The following OLFML1 variants were observed in gnomAD, a reference collection of about 807,000 sequenced individuals.
The protein encoded by OLFML1 is olfactomedin-like protein 1.
Under a neutral mutation model 37.3 loss-of-function variants are expected in OLFML1, and 33 were observed. The ratio of observed to expected loss-of-function variants is 0.88; its 90% confidence interval spans 0.67 to 1.18. The LOEUF is 1.18. Among genes scored for constraint, OLFML1 ranks in the 50% most tolerant of loss-of-function variants. The pLI, the probability that OLFML1 is intolerant of heterozygous loss-of-function variation, is 0.00. For synonymous variants in OLFML1, 186 were observed against 181.3 expected (o/e 1.03, Z -0.21); for missense variants, 545 against 483.7 (o/e 1.13, Z -1.19).
chr11:7,507,312 CT>C (rs1848796833), intron 2 of OLFML1, among the ~76,000 whole-genome samples: 4 of 108,238 alleles, frequency 3.7e-5, no homozygotes, highest in African/African-American at 1.4e-4. Flanking sequence ...TGATTTTGGT[CT>C]CACTCTAAGT....
At position 7,511,260 on chromosome 11, in the gene OLFML1, T is replaced by A. The variant is rs1440283533; in HGVS notation, c.*1072T>A. On this transcript the variant is annotated 3_prime_UTR_variant, in exon 3 of 3. Transcript: ENST00000329293. ...AGTCTAAGGGTGAGGACCCCAACTC[T>A]AGCCTCCTCTTGTCTTGCTGTCCTC... 6 of 152,226 alleles carry A rather than the reference T, an allele frequency of 3.9e-5. No homozygotes were observed. The highest frequency in any genetic ancestry group is 7.3e-5 in the Non-Finnish European group (5 of 68,036). The allele number at this position is 152,226 out of a possible 1,614,324, so 9.4% of individuals were successfully genotyped here.
intron 2 of OLFML1, among the ~76,000 whole-genome samples, chr11:7,500,480 G>A (rs895960047): frequency 3.9e-5 from 6 of 152,164 alleles, no homozygotes; most frequent in African/African-American, 9.7e-5. Context: ...GAGGGGTCCT[G>A]ACTGGCTGCC....
At chr11:7,500,484 G>A (rs1275156038) in intron 2 of OLFML1, among the ~76,000 whole-genome samples, 2 of 152,136 alleles carry the variant, frequency 1.3e-5, no homozygotes, top group Non-Finnish European at 2.9e-5. Context: ...GGTCCTGACT[G>A]GCTGCCTCCC....
chr11:7,506,273 A>C (rs941095217), intron 2 of OLFML1, among the ~76,000 whole-genome samples: 3 of 152,216 alleles, frequency 2.0e-5, no homozygotes, highest in Non-Finnish European at 4.4e-5. Context: ...ATAATTCATC[A>C]AGGAAGTCTA....
chr11:7,494,049 A>G (rs1848633809), intron 2 of OLFML1, among the ~76,000 whole-genome samples: 1 of 152,212 alleles, frequency 6.6e-6, no homozygotes. Flanking sequence ...TGCCATGTAG[A>G]TGGGGGGATT....
chr11:7,499,527 G>C (rs1443875151), intron 2 of OLFML1, among the ~76,000 whole-genome samples: 1 of 152,220 alleles, frequency 6.6e-6, no homozygotes, highest in Non-Finnish European at 1.5e-5. Context: ...ACTATGTAGA[G>C]AGCATCCAAC....
intron 2 of OLFML1, among the ~76,000 whole-genome samples, chr11:7,508,886 C>T (rs949849168): frequency 2.0e-5 from 3 of 152,204 alleles, no homozygotes; most frequent in Admixed American, 6.5e-5. Flanking sequence ...GTCTTCACAC[C>T]TAAGTCATTC....
rs562331282 is a variant in OLFML1 at position 7,501,325 on chromosome 11, A to C, written c.419-8073A>C. Among the ~76,000 whole-genome samples, 5 of 152,320 alleles carry C rather than the reference A, an allele frequency of 3.3e-5. No individual in the cohort carries two copies. In the South Asian group the frequency reaches 1.0e-3, roughly 32 times the overall value. Reference sequence around the variant, plus strand: ...CTTCTGTTAGCGGCTCCTGCAATGCATAAGGTTCCCTGTTGTCCCAGACTT... The same window carrying C: ...CTTCTGTTAGCGGCTCCTGCAATGCCTAAGGTTCCCTGTTGTCCCAGACTT... On this transcript the variant is annotated intron_variant, in intron 2 of 2. Coordinates refer to ENST00000329293, the MANE Select transcript of OLFML1 (RefSeq NM_198474.4).
At chr11:7,503,855 G>A (rs1848751352) in intron 2 of OLFML1, among the ~76,000 whole-genome samples, 1 of 152,176 alleles carries the variant, frequency 6.6e-6, no homozygotes, top group African/African-American at 2.4e-5. Flanking sequence ...GATGGATTTG[G>A]TTGTTGAAAA....
rs1262328927 is a variant in OLFML1, at chr11:7,485,618, A to C, written c.-258A>C. 1 of 438,060 alleles carries C rather than the reference A, an allele frequency of 2.3e-6. No homozygotes were observed. Among genetic ancestry groups the C allele is most frequent in the African/African-American group, 2.0e-5 (1 of 50,592 alleles). 27.1% of individuals were successfully genotyped at this position (438,060 alleles called of 1,614,324 possible). A position where few individuals can be genotyped will look rare whatever the true frequency, so the allele number is the denominator to read the frequency against. On this transcript the variant is annotated 5_prime_UTR_variant, in exon 1 of 3. Coordinates refer to ENST00000329293, the MANE Select transcript of OLFML1 (RefSeq NM_198474.4). Reference sequence around the variant, plus strand: ...GGTGAGGGCAACAGATGCTGGACCCAGGGAGCTCTCTGCCACAGGTCAGTC... The same window carrying C: ...GGTGAGGGCAACAGATGCTGGACCCCGGGAGCTCTCTGCCACAGGTCAGTC...
chr11:7,508,275 A>G (rs1454507660), intron 2 of OLFML1, among the ~76,000 whole-genome samples: 4 of 152,360 alleles, frequency 2.6e-5, no homozygotes, highest in South Asian at 4.1e-4. Context: ...CGGCACAGTT[A>G]AAGCTCATGT....
At chr11:7,495,085 G>A (rs191332455) in intron 2 of OLFML1, among the ~76,000 whole-genome samples, 2 of 152,156 alleles carry the variant, frequency 1.3e-5, no homozygotes, top group Non-Finnish European at 2.9e-5. Context: ...TTTGGCCCTC[G>A]TCTGACAGGT....
Position 7,490,136 on chromosome 11 carries a change from G to A in OLFML1, c.418+1721G>A, listed in dbSNP as rs547040692. The stretch of plus-strand genomic sequence containing the variant: ...GAGGGGTTAGTTAGGCTTTGGTGGG[G>A]GGGGGGGCGGGGAACCAAAAAACAT... On this transcript the variant is annotated intron_variant, in intron 2 of 2. Transcript: ENST00000329293. Among the ~76,000 whole-genome samples the A allele has an allele frequency of 1.3e-4, 18 of 134,576 alleles. No homozygotes were observed. The East Asian group carries it at 4.0e-3, about 30-fold the overall frequency. 88.3% of individuals were successfully genotyped at this position (134,576 alleles called of 152,430 possible).
chr11:7,506,152 G>A (rs561070467), intron 2 of OLFML1, among the ~76,000 whole-genome samples: 66 of 152,318 alleles, frequency 4.3e-4, no homozygotes, highest in Non-Finnish European at 7.6e-4. Context: ...GAAGCAACTA[G>A]AAAAAGGTGC....
At position 7,485,993 on chromosome 11, in the gene OLFML1, C is replaced by T. The variant is rs371797612; in HGVS notation, c.118C>T (p.Arg40Ter). The stretch of plus-strand genomic sequence containing the variant: ...GGTGCATTACATCTACCAGCGCTTT[C>T]GAGTCTTGGAGGTAGGTGGCATCTG... ...AMVHYIYQRFRVLEQGLEKCT... is the reference protein window; with the variant it reads ...AMVHYIYQRF The change falls in exon 1 of 3, where the codon CGA becomes TGA. Residue 40 changes from arginine to a stop codon, truncating the protein, a stop_gained. Coordinates refer to ENST00000329293, the MANE Select transcript of OLFML1 (RefSeq NM_198474.4). LOFTEE classifies it high-confidence loss of function. 78 of 1,613,898 alleles carry T rather than the reference C, an allele frequency of 4.8e-5. No homozygotes were observed. Among genetic ancestry groups the T allele is most frequent in the Admixed American group, 3.0e-4 (18 of 60,000 alleles).
Position 7,510,817 on chromosome 11 carries a change from C to T in OLFML1, c.*629C>T, listed in dbSNP as rs1377895207. The T allele has an allele frequency of 6.6e-6, 1 of 152,172 alleles. No homozygotes were observed. The highest frequency in any genetic ancestry group is 2.4e-5 in the African/African-American group (1 of 41,428). The allele number at this position is 152,172 out of a possible 1,614,324, so 9.4% of individuals were successfully genotyped here. ...CCACACCTGGCTTAAAATACTATTT[C>T]TTATTGAGGTTTAACCTCTATTTCC... On this transcript the variant is annotated 3_prime_UTR_variant, in exon 3 of 3. Transcript: ENST00000329293.
At chr11:7,488,628 C>T (rs1848557639) in intron 2 of OLFML1, 1 of 408,372 alleles carries the variant, frequency 2.4e-6, no homozygotes, top group South Asian at 3.1e-5. Flanking sequence ...ACACACAGTG[C>T]CTAAAGCCTC....
intron 2 of OLFML1, 58 bp downstream of exon 2, chr11:7,488,473 C>CA (rs1465547588): frequency 1.5e-6 from 2 of 1,379,074 alleles, no homozygotes; most frequent in African/African-American, 2.9e-5. Context: ...CAGAAACACA[C>CA]AGACTCAGAG....
chr11:7,487,041 A>G (rs75675073), intron 1 of OLFML1, among the ~76,000 whole-genome samples: 6,740 of 152,292 alleles, frequency 0.044, 479 homozygotes, highest in African/African-American at 0.15. Flanking sequence ...ATCCCTCTGC[A>G]TTTAGCACCG....
Sources: gnomAD v4.1 joint callset for allele counts (sites outside exome capture counted in the v4.1 genomes callset) on GRCh38, gnomAD v4.1.1 for gene constraint, MANE v1.5 for transcripts, NCBI Gene and HGNC (gene_info 2026-07-23, HGNC 2026-07-21) for gene names.